Variants in CCSER1 observed in about 807,000 individuals in gnomAD.
CCSER1 encodes the protein coiled-coil serine rich protein 1.
Under a neutral mutation model 82.0 loss-of-function variants are expected in CCSER1, and 41 were observed. The ratio of observed to expected loss-of-function variants is 0.50; its 90% CI spans 0.39 to 0.65. The LOEUF is 0.65. Ranked by LOEUF, CCSER1 falls within the 30% of genes least tolerant of loss-of-function variation. The pLI is 0.00. For synonymous variants in CCSER1, 414 were observed against 383.9 expected, an observed-to-expected ratio of 1.08 and a Z score of -0.92; for missense variants, 1,119 against 1,064.2, an observed-to-expected ratio of 1.05 and a Z score of -0.72.
intron 6 of CCSER1, among the ~76,000 whole-genome samples, chr4:90,630,868 G>GATTATTATTATTATT (rs71596533): frequency 2.1e-5 from 3 of 143,330 alleles, no homozygotes; most frequent in South Asian, 2.3e-4. Flanking sequence ...TTTGTTCACA[G>GATTATTATTATTATT]ATTATTATTA....
chr4:90,803,562 T>C (rs1757109340), intron 7 of CCSER1, among the ~76,000 whole-genome samples: 1 of 152,218 alleles, frequency 6.6e-6, no homozygotes, highest in Non-Finnish European at 1.5e-5. Flanking sequence ...TATGGCTGCA[T>C]AGTATTCCAT....
At chr4:91,499,820 G>A (rs187892472) in intron 10 of CCSER1, among the ~76,000 whole-genome samples, 50 of 151,998 alleles carry the variant, frequency 3.3e-4, no homozygotes, top group Non-Finnish European at 6.0e-4. Context: ...ATTCATTTGT[G>A]TTTAGTGATG....
In CCSER1 at chr4:91,244,090, T is replaced by A. The variant is rs151061068; in HGVS notation, c.2217+158096T>A. ...CATTCACCGCAAACTGATAGAAGAG[T>A]CCTTGAGTTTTAAATGAACATTTGT... On this transcript the variant is annotated intron_variant, in intron 10 of 10. Transcript: ENST00000509176. Among the ~76,000 whole-genome samples the A allele has an allele frequency of 5.5e-4, 84 of 151,562 alleles. 3 individuals are homozygous for A. In the East Asian group the frequency reaches 0.016, roughly 28 times the overall value.
At chr4:91,397,767 ATAGAAT>A (rs1752077939) in intron 10 of CCSER1, among the ~76,000 whole-genome samples, 1 of 152,064 alleles carries the variant, frequency 6.6e-6, no homozygotes, top group Non-Finnish European at 1.5e-5. Flanking sequence ...TAAAATTTTA[ATAGAAT>A]TAGACACTTT....
intron 1 of CCSER1, among the ~76,000 whole-genome samples, chr4:90,207,877 C>T (rs940557278): frequency 6.6e-6 from 1 of 152,170 alleles, no homozygotes; most frequent in African/African-American, 2.4e-5. Flanking sequence ...GAAGCTTCGT[C>T]CTAGAGGGGC....
chr4:91,256,235 A>G (rs1165841102), intron 10 of CCSER1, among the ~76,000 whole-genome samples: 1 of 152,166 alleles, frequency 6.6e-6, no homozygotes, highest in South Asian at 2.1e-4. Flanking sequence ...CAGGGCCCCC[A>G]GCCTTGCTAG....
At chr4:91,128,198 C>G (rs1727679454) in intron 10 of CCSER1, among the ~76,000 whole-genome samples, 1 of 152,032 alleles carries the variant, frequency 6.6e-6, no homozygotes, top group Admixed American at 6.6e-5. Context: ...TAATCTTTTC[C>G]TTCAGTTTCT....
chr4:91,137,794 GACAA>G (rs1353816856), intron 10 of CCSER1, among the ~76,000 whole-genome samples: 29 of 151,600 alleles, frequency 1.9e-4, no homozygotes, highest in African/African-American at 5.8e-4. Context: ...ACCAACAACA[GACAA>G]ACAGAGAGCC....
intron 4 of CCSER1, among the ~76,000 whole-genome samples, chr4:90,465,562 C>T (rs1763515929): frequency 6.6e-6 from 1 of 152,178 alleles, no homozygotes; most frequent in South Asian, 2.1e-4. Flanking sequence ...TTTTCATTGG[C>T]AAATTTTTTC....
chr4:90,606,114 T>C (rs1784671263), intron 5 of CCSER1, among the ~76,000 whole-genome samples: 1 of 152,134 alleles, frequency 6.6e-6, no homozygotes. Flanking sequence ...ATTTAAAAAT[T>C]TTAAACACCG....
intron 8 of CCSER1, among the ~76,000 whole-genome samples, chr4:90,847,212 C>T (rs889606775): frequency 6.6e-6 from 1 of 152,094 alleles, no homozygotes; most frequent in Admixed American, 6.6e-5. Flanking sequence ...TTACTTAAAC[C>T]ATTATACTTT....
intron 5 of CCSER1, among the ~76,000 whole-genome samples, chr4:90,532,531 T>C (rs779346967): frequency 6.6e-6 from 1 of 152,082 alleles, no homozygotes; most frequent in Non-Finnish European, 1.5e-5. Flanking sequence ...GCAAACCTTT[T>C]GGTAAAGGGA....
At chr4:90,226,568 T>G (rs1743198403) in intron 1 of CCSER1, among the ~76,000 whole-genome samples, 1 of 152,214 alleles carries the variant, frequency 6.6e-6, no homozygotes, top group Non-Finnish European at 1.5e-5. Context: ...TATAGTTGGT[T>G]TTGAGAATTC....
intron 10 of CCSER1, among the ~76,000 whole-genome samples, chr4:91,352,283 C>T (rs1383566616): frequency 6.6e-6 from 1 of 152,170 alleles, no homozygotes; most frequent in Non-Finnish European, 1.5e-5. Context: ...CAGGGTCTCA[C>T]TCTGTCACCC....
chr4:90,235,841 C>T (rs889958252), intron 1 of CCSER1, among the ~76,000 whole-genome samples: 12 of 152,290 alleles, frequency 7.9e-5, no homozygotes, highest in Non-Finnish European at 1.3e-4. Context: ...TTTACTTTTG[C>T]TTCCAACCCT....
At chr4:90,903,255 C>T (rs1488601933) in intron 8 of CCSER1, among the ~76,000 whole-genome samples, 1 of 152,058 alleles carries the variant, frequency 6.6e-6, no homozygotes, top group Non-Finnish European at 1.5e-5. Flanking sequence ...GGTGACCAGC[C>T]TTTCCCATGC....
At chr4:90,708,948 G>A (rs1353393811) in intron 6 of CCSER1, among the ~76,000 whole-genome samples, 1 of 152,100 alleles carries the variant, frequency 6.6e-6, no homozygotes, top group Non-Finnish European at 1.5e-5. Flanking sequence ...GATAATATAT[G>A]TGAAGCTATT....
At chr4:90,911,735 C>A (rs1477512248) in intron 8 of CCSER1, among the ~76,000 whole-genome samples, 2 of 152,148 alleles carry the variant, frequency 1.3e-5, no homozygotes, top group African/African-American at 2.4e-5. Flanking sequence ...CCTACCCAAG[C>A]AAAGGGGTGA....
intron 9 of CCSER1, among the ~76,000 whole-genome samples, chr4:91,043,059 A>G (rs1422857826): frequency 2.0e-5 from 3 of 152,134 alleles, no homozygotes; most frequent in Non-Finnish European, 4.4e-5. Flanking sequence ...ATCATCCACT[A>G]TTTGAGATCA....
Sources: allele counts gnomAD v4.1 joint callset (sites outside exome capture counted in the v4.1 genomes callset), GRCh38; gene constraint gnomAD v4.1.1; transcripts MANE v1.5; gene names NCBI Gene and HGNC (gene_info 2026-07-23, HGNC 2026-07-21).